Variants in TUSC3 observed in about 807,000 individuals in gnomAD.
TUSC3 encodes tumor suppressor candidate 3, also known as dolichyl-diphosphooligosaccharide--protein glycosyltransferase subunit TUSC3.
In TUSC3, 45 loss-of-function variants were observed where a neutral mutation model predicts 44.8. The ratio of observed to expected loss-of-function variants is 1.00; its 90% confidence interval spans 0.79 to 1.29. The LOEUF is 1.29. Ranked by LOEUF, TUSC3 falls within the 50% of genes most tolerant of loss-of-function variation. TUSC3 has a pLI of 0.00. For synonymous variants in TUSC3, 212 were observed against 152.9 expected (o/e 1.39, Z -2.85); for missense variants, 519 against 437.9 (o/e 1.19, Z -1.65).
the TUSC3 span, among the ~76,000 whole-genome samples, chr8:15,777,306 C>T: frequency 6.6e-6 from 1 of 152,102 alleles, no homozygotes; most frequent in African/African-American, 2.4e-5. Context: ...CAAGCTGTTC[C>T]CAAAGCTGAA....
the TUSC3 span, among the ~76,000 whole-genome samples, chr8:15,840,143 C>G: frequency 6.6e-6 from 1 of 152,024 alleles, no homozygotes; most frequent in South Asian, 2.1e-4. Flanking sequence ...AAACAAACAC[C>G]GCATACTCTC....
At position 15,735,774 on chromosome 8, in the gene TUSC3, A is replaced by C. The variant is rs189444834; in HGVS notation, c.862+5045A>C. On this transcript the variant is annotated intron_variant, in intron 7 of 10. Transcript: ENST00000503731. ...GAGTGCAGTGGCGTGATCTCCGCTC[A>C]CTGCAAGCTCTGCCTTCCGGGTTCA... 8.6e-4 allele frequency among the ~76,000 whole-genome samples: 131 copies of C among 152,204 alleles called. 1 individual carries two copies. Among genetic ancestry groups the C allele is most frequent in the African/African-American group, 3.0e-3 (125 of 41,550 alleles).
At chr8:15,543,958 C>T (rs1024987011) in intron 1 of TUSC3, among the ~76,000 whole-genome samples, 3 of 151,530 alleles carry the variant, frequency 2.0e-5, no homozygotes, top group African/African-American at 7.3e-5. Context: ...TATGTTTGTA[C>T]ACATACACAT....
At chr8:15,491,496 G>T (rs566425932) in intron 2 of TUSC3, among the ~76,000 whole-genome samples, 1 of 151,922 alleles carries the variant, frequency 6.6e-6, no homozygotes, top group Admixed American at 6.6e-5. Flanking sequence ...CTACCCAAAG[G>T]TTTAGGTAAC....
intron 2 of TUSC3, among the ~76,000 whole-genome samples, chr8:15,509,955 G>C (rs746870125): frequency 1.1e-4 from 17 of 152,180 alleles, no homozygotes; most frequent in Non-Finnish European, 2.2e-4. Context: ...GTATTGCTTG[G>C]GGCCAAGAGT....
chr8:15,710,618 AC>A (rs996032307), intron 6 of TUSC3, among the ~76,000 whole-genome samples: 11 of 151,590 alleles, frequency 7.3e-5, no homozygotes, highest in Admixed American at 4.0e-4. Flanking sequence ...GGCTGAGCAA[AC>A]CCCCAGGCTA....
chr8:15,832,856 C>T, the TUSC3 span, among the ~76,000 whole-genome samples: 2 of 152,132 alleles, frequency 1.3e-5, no homozygotes, highest in Non-Finnish European at 2.9e-5. Context: ...ACCCCAATGA[C>T]AGTATTAGAT....
chr8:15,815,291 T>C, the TUSC3 span, among the ~76,000 whole-genome samples: 2 of 151,980 alleles, frequency 1.3e-5, no homozygotes, highest in African/African-American at 4.8e-5. Flanking sequence ...AACAAATCTA[T>C]AGACATAATC....
At chr8:15,650,665 G>A (rs1264389457) in intron 2 of TUSC3, 32 bp from the exon 3 acceptor site, 2 of 1,584,264 alleles carry the variant, frequency 1.3e-6, no homozygotes, top group Non-Finnish European at 8.7e-7. Flanking sequence ...CAGTACTGAT[G>A]TGTTTCTACT....
chr8:15,757,252 C>T (rs1191163098), intron 9 of TUSC3, among the ~76,000 whole-genome samples: 6 of 152,116 alleles, frequency 3.9e-5, no homozygotes, highest in Non-Finnish European at 8.8e-5. Context: ...AAGTGGCTTC[C>T]ATTGTCTTAA....
At chr8:15,688,944 G>T in intron 6 of TUSC3, 1 of 189,358 alleles carries the variant, frequency 5.3e-6, no homozygotes, top group South Asian at 1.0e-4. Context: ...TGAGGGAGTT[G>T]AGGACTGAGT....
chr8:15,554,194 A>G (rs1035055322), intron 1 of TUSC3, among the ~76,000 whole-genome samples: 5 of 151,724 alleles, frequency 3.3e-5, no homozygotes, highest in Admixed American at 2.6e-4. Context: ...CACAATGGTG[A>G]TAAGGTTTCA....
chr8:15,699,355 T>G lies in TUSC3; in HGVS notation c.798+25519T>G, dbSNP rs140437857. On this transcript the variant is annotated intron_variant, in intron 6 of 10. Transcript: ENST00000503731. ...TTTCATTCACCATAGTTCTCAAAAC[T>G]TGCAAACTTTTAGACTGCACTCTCT... 4.6e-3 allele frequency among the ~76,000 whole-genome samples: 696 copies of G among 152,308 alleles called. 8 individuals are homozygous for G. The highest frequency in any genetic ancestry group is 5.2e-3 in the Non-Finnish European group (352 of 68,018).
chr8:15,600,242 C>G (rs73665451), intron 1 of TUSC3, among the ~76,000 whole-genome samples: 1 of 151,604 alleles, frequency 6.6e-6, no homozygotes, highest in South Asian at 2.1e-4. Context: ...GACCATTTGA[C>G]AGTAGGGAGA....
chr8:15,504,918 C>A (rs1801033404), intron 2 of TUSC3, among the ~76,000 whole-genome samples: 1 of 151,698 alleles, frequency 6.6e-6, no homozygotes, highest in Admixed American at 6.6e-5. Context: ...TCCCAAAGTG[C>A]CGGGATTACA....
chr8:15,787,041 C>G, the TUSC3 span, among the ~76,000 whole-genome samples: 6 of 149,660 alleles, frequency 4.0e-5, no homozygotes, highest in East Asian at 1.2e-3. Flanking sequence ...CTGTGGTTTG[C>G]TATATTCAAT....
chr8:15,456,213 A>G (rs1032490760), intron 1 of TUSC3, among the ~76,000 whole-genome samples: 1 of 152,130 alleles, frequency 6.6e-6, no homozygotes, highest in Non-Finnish European at 1.5e-5. Flanking sequence ...ATAAATCTGT[A>G]TCCCTCCTGG....
At chr8:15,673,259 C>T (rs13279670) in intron 5 of TUSC3, among the ~76,000 whole-genome samples, 31,585 of 151,754 alleles carry the variant, frequency 0.21, 4,153 homozygotes, top group Non-Finnish European at 0.3. Context: ...TTTACTGTGT[C>T]GTAAACTTTG....
intron 5 of TUSC3, among the ~76,000 whole-genome samples, chr8:15,671,957 A>C (rs1250958321): frequency 1.3e-5 from 2 of 152,032 alleles, no homozygotes; most frequent in African/African-American, 4.8e-5. Context: ...CCTGTTATAC[A>C]ATAGTGCCTC....
Sources: gnomAD v4.1 joint callset for allele counts (sites outside exome capture counted in the v4.1 genomes callset) on GRCh38, gnomAD v4.1.1 for gene constraint, MANE v1.5 for transcripts, NCBI Gene and HGNC (gene_info 2026-07-23, HGNC 2026-07-21) for gene names.